Variants in RPH3AL observed in about 807,000 individuals in gnomAD.
RPH3AL encodes the protein rab effector Noc2.
Under a neutral mutation model 43.1 loss-of-function variants are expected in RPH3AL, and 38 were observed. The ratio of observed to expected loss-of-function variants is 0.88; its 90% confidence interval spans 0.68 to 1.15. The LOEUF (loss-of-function observed/expected upper bound fraction) is 1.15. RPH3AL is among the 50% of genes most tolerant of loss of function. RPH3AL has a pLI of 0.00. For missense variants in RPH3AL, 462 were observed against 423.2 expected, an observed-to-expected ratio of 1.09 and a Z score of -0.81; for synonymous variants, 189 against 176.3, an observed-to-expected ratio of 1.07 and a Z score of -0.57.
intron 6 of RPH3AL, among the ~76,000 whole-genome samples, chr17:269,091 G>A (rs1477030831): frequency 1.3e-5 from 2 of 152,122 alleles, no homozygotes; most frequent in Admixed American, 6.5e-5. Context: ...TGTTAGCCAG[G>A]ATGGTCTCGA....
intron 5 of RPH3AL, among the ~76,000 whole-genome samples, chr17:292,619 C>A (rs2043073219): frequency 6.6e-6 from 1 of 152,140 alleles, no homozygotes; most frequent in African/African-American, 2.4e-5. Flanking sequence ...CCCAGCCGGG[C>A]CTGGCTGCCT....
chr17:306,741 C>T (rs62053683), intron 5 of RPH3AL: 31,027 of 153,148 alleles, frequency 0.2, 3,378 homozygotes, highest in East Asian at 0.36. Context: ...CCCCTGCGCC[C>T]GGCACACAGA....
At chr17:352,553 T>C (rs2045375028) in intron 1 of RPH3AL, 159 bp downstream of exon 1, 1 of 152,156 alleles carries the variant, frequency 6.6e-6, no homozygotes, top group Admixed American at 6.5e-5. Context: ...AAGTTTCCAG[T>C]CAACGATTAA....
chr17:236,422 G>A (rs189179569), intron 7 of RPH3AL, among the ~76,000 whole-genome samples: 121 of 152,178 alleles, frequency 8.0e-4, no homozygotes, highest in African/African-American at 2.7e-3. Flanking sequence ...AGCTGGCCAC[G>A]CCATCCGTTA....
chr17:292,894 G>T (rs1300308784), intron 5 of RPH3AL, among the ~76,000 whole-genome samples: 2 of 152,236 alleles, frequency 1.3e-5, no homozygotes, highest in Non-Finnish European at 2.9e-5. Context: ...AGGCCCCAAG[G>T]AGGCACAGCC....
intron 3 of RPH3AL, among the ~76,000 whole-genome samples, chr17:324,870 C>A (rs7216500): frequency 0.41 from 61,891 of 151,990 alleles, 13,237 homozygotes; most frequent in Non-Finnish European, 0.48. Flanking sequence ...GGATCACAGG[C>A]ATGTGCCACT....
rs2041693089 is a variant in RPH3AL, at chr17:244,370, T to C, written c.613+2741A>G. ...GATGCAGGGAGAAGAAGTTGGGAGC[T>C]ACAGGTGCATGAGCCTAAGAGATGT... On this transcript the variant is annotated intron_variant, in intron 7 of 9. Transcript: ENST00000331302. Among the ~76,000 whole-genome samples, 4 of 150,588 alleles carry C rather than the reference T, an allele frequency of 2.7e-5. 1 individual carries two copies. In the South Asian group the frequency reaches 8.4e-4, roughly 32 times the overall value.
At chr17:230,053 C>G (rs1019058209) in intron 7 of RPH3AL, among the ~76,000 whole-genome samples, 1 of 152,160 alleles carries the variant, frequency 6.6e-6, no homozygotes, top group Non-Finnish European at 1.5e-5. Context: ...ACCTGGGGAG[C>G]GCTGCTTCCT....
rs1555547406 is a variant in RPH3AL at position 264,635 on chromosome 17, T to C, written c.438+17133A>G. On this transcript the variant is annotated intron_variant, in intron 6 of 9. Transcript: ENST00000331302. This position sits in a 1 kb window ranked among gnomAD's most constrained non-coding sequence, Gnocchi z 4.8. ...GGCATGAAGCATGTCACAAGGCCTA[T>C]TGGACACATTTGTGACCACACAGGA... is the stretch of plus-strand genomic sequence containing the variant. Among the ~76,000 whole-genome samples, 3 of 152,236 alleles carry C rather than the reference T, an allele frequency of 2.0e-5. No individual in the cohort carries two copies. The highest frequency in any genetic ancestry group is 2.0e-4 in the Admixed American group (3 of 15,282).
rs1428293523 is a variant in RPH3AL at position 215,738 on chromosome 17, C to A, written c.792G>T (p.Gln264His). The A allele has an allele frequency of 6.9e-6, 9 of 1,308,850 alleles. No homozygotes were observed. Among genetic ancestry groups the A allele is most frequent in the Non-Finnish European group, 6.8e-6 (7 of 1,025,808 alleles). The allele number at this position is 1,308,850 out of a possible 1,614,324, so 81.1% of individuals were successfully genotyped here. Residue 264 changes from glutamine (Q) to histidine (H), a missense_variant, in exon 9 of 10, where the codon CAG (glutamine) becomes CAT (histidine). Gln to His is a conservative substitution (Grantham distance 24, BLOSUM62 0). Coordinates refer to ENST00000331302, the MANE Select transcript of RPH3AL (RefSeq NM_006987.4). The surrounding 1 kb of genome is among the most constrained non-coding windows in gnomAD (Gnocchi z 4.1). ...THPPGHLSGC[Q>H]SSLASGETGT... ...CCGTCTCACCACTGGCCAGGCTGCT[C>A]TGGCACCCAGAGAGGTGGCCCGGCG... is the stretch of plus-strand genomic sequence containing the variant.
Position 323,188 on chromosome 17 carries a change from C to G in RPH3AL, c.78-1773G>C, listed in dbSNP as rs1486679698. On this transcript the variant is annotated intron_variant, in intron 3 of 9. Coordinates refer to ENST00000331302, the MANE Select transcript of RPH3AL (RefSeq NM_006987.4). This position sits in a 1 kb window ranked among gnomAD's most constrained non-coding sequence, Gnocchi z 4.4. ...GGGTTCAGGCAGAGGAGATCACACA[C>G]GAAAGGCAGGGGGCATGGGTGGTGT... Among the ~76,000 whole-genome samples, 1 of 151,766 alleles carries G rather than the reference C, an allele frequency of 6.6e-6. No individual in the cohort carries two copies. Among genetic ancestry groups the G allele is most frequent in the African/African-American group, 2.4e-5 (1 of 41,254 alleles).
intron 7 of RPH3AL, among the ~76,000 whole-genome samples, chr17:224,280 G>A (rs947837175): frequency 7.0e-6 from 1 of 143,490 alleles, no homozygotes; most frequent in African/African-American, 2.5e-5. Context: ...GACCACACTG[G>A]GCTCCTGCCC....
At chr17:244,347 T>A (rs1349392070) in intron 7 of RPH3AL, among the ~76,000 whole-genome samples, 1 of 151,450 alleles carries the variant, frequency 6.6e-6, no homozygotes, top group South Asian at 2.1e-4. Flanking sequence ...TGGCCTGGGA[T>A]GCAGGGAGAA....
chr17:291,042 G>T (rs144456700), intron 5 of RPH3AL, among the ~76,000 whole-genome samples: 2 of 152,308 alleles, frequency 1.3e-5, no homozygotes, highest in South Asian at 2.1e-4. Flanking sequence ...GCCCTCAAAC[G>T]TTGCGTACAA....
At chr17:253,147 G>C (rs1337521438) in intron 6 of RPH3AL, among the ~76,000 whole-genome samples, 1 of 152,226 alleles carries the variant, frequency 6.6e-6, no homozygotes, top group Non-Finnish European at 1.5e-5. Flanking sequence ...GCATCCATCA[G>C]GGCATGAGGC....
In RPH3AL at chr17:277,919, C is replaced by T. The variant is rs190952539; in HGVS notation, c.438+3849G>A. ...GCAGTGAGCTGAGATCGTGGCACTG[C>T]CCTACAGCCTGGGTGACACAGTGAG... On this transcript the variant is annotated intron_variant, in intron 6 of 9. Transcript: ENST00000331302. 2.6e-5 allele frequency among the ~76,000 whole-genome samples: 4 copies of T among 152,118 alleles called. No individual in the cohort carries two copies. In the East Asian group the frequency reaches 7.7e-4, roughly 29 times the overall value.
At chr17:321,542 C>G (rs576850283) in intron 3 of RPH3AL, 127 bp from the exon 4 acceptor site, 1 of 1,069,264 alleles carries the variant, frequency 9.4e-7, no homozygotes, top group East Asian at 3.0e-5. Context: ...GCCGGGACGA[C>G]GAGCGCGGGC....
Position 330,693 on chromosome 17 carries a change from T to C in RPH3AL, c.-37+3066A>G, listed in dbSNP as rs1376273229. 2.6e-5 allele frequency among the ~76,000 whole-genome samples: 4 copies of C among 151,978 alleles called. 1 individual carries two copies. The South Asian group carries it at 8.3e-4, about 32-fold the overall frequency. On this transcript the variant is annotated intron_variant, in intron 2 of 9. Coordinates refer to ENST00000331302, the MANE Select transcript of RPH3AL (RefSeq NM_006987.4). ...GAGTTTGAGACCAGCCTGGGCAACA[T>C]GGAGAAACCCCGTCTCCACTAAAAA...
At position 286,732 on chromosome 17, in the gene RPH3AL, C is replaced by T. The variant is rs867248821; in HGVS notation, c.352-4878G>A. ...GGGCCCAGGGGTGGCCACTCACTTC[C>T]CTGCCTGAGATGGGCTTCCTCGGAG... On this transcript the variant is annotated intron_variant, in intron 5 of 9. Coordinates refer to ENST00000331302, the MANE Select transcript of RPH3AL (RefSeq NM_006987.4). Among the ~76,000 whole-genome samples, 9 of 152,332 alleles carry T rather than the reference C, an allele frequency of 5.9e-5. No individual in the cohort carries two copies. The South Asian group carries it at 1.7e-3, about 28-fold the overall frequency.
Sources: gnomAD v4.1 joint callset for allele counts (sites outside exome capture counted in the v4.1 genomes callset) on GRCh38, gnomAD v4.1.1 for gene constraint, Gnocchi (gnomAD v3.1) non-coding constraint, MANE v1.5 for transcripts, NCBI Gene and HGNC (gene_info 2026-07-23, HGNC 2026-07-21) for gene names.